The following CD2BP2 variants were observed in gnomAD, a reference collection of about 807,000 sequenced individuals.
CD2BP2 encodes CD2 antigen cytoplasmic tail-binding protein 2.
Under a neutral mutation model 35.9 loss-of-function variants are expected in CD2BP2, and 27 were observed. The observed-to-expected ratio is 0.75, with a 90% CI of 0.55 to 1.04. The LOEUF (loss-of-function observed/expected upper bound fraction) is 1.04, where lower values mean the gene tolerates loss of function less well. Among genes scored for constraint, CD2BP2 ranks in the 50% least tolerant of loss-of-function variants. CD2BP2 has a pLI of 0.00. For missense variants in CD2BP2, 497 were observed against 444.3 expected (o/e 1.12, Z -1.07); for synonymous variants, 213 against 173.5 (o/e 1.23, Z -1.79).
Position 30,354,074 on chromosome 16 carries a change from AG to A in CD2BP2, c.218-17del. 6.2e-7 allele frequency: 1 copy of A among 1,613,662 alleles called. No homozygotes were observed. The highest frequency in any genetic ancestry group is 8.5e-7 in the Non-Finnish European group (1 of 1,179,680). ...GCCTCCTGACCTGCACCAAAGACAC[AG>A]GTGCCCTTTTCCAGGCATGGAAAAA... is the stretch of plus-strand genomic sequence containing the variant. On this transcript the variant is annotated splice_polypyrimidine_tract_variant and intron_variant, in intron 3 of 6. Coordinates refer to ENST00000305596, the MANE Select transcript of CD2BP2 (RefSeq NM_006110.3).
chr16:30,353,558 G>A lies in CD2BP2; in HGVS notation c.618C>T (p.Ala206=), dbSNP rs199886258. The change falls in exon 5 of 7, where the codon GCC becomes GCT. Residue 206 remains alanine (A), a synonymous_variant. Transcript: ENST00000305596. The stretch of plus-strand genomic sequence containing the variant: ...GGTTGCCCCGGGCCACCATCTGGTC[G>A]GCCAACCCGGAGAGCCGGTCCAGGC... ...PQRLDRLSGL[A]DQMVARGNLG... 7.4e-5 allele frequency: 120 copies of A among 1,614,158 alleles called. No individual in the cohort carries two copies. Among genetic ancestry groups the A allele is most frequent in the Non-Finnish European group, 9.5e-5 (112 of 1,180,020 alleles).
rs1421667085 is a variant in CD2BP2, at chr16:30,352,871, G to T, written c.*114C>A. The T allele has an allele frequency of 5.6e-6, 4 of 710,430 alleles. No homozygotes were observed. The highest frequency in any genetic ancestry group is 3.3e-5 in the South Asian group (2 of 60,596). 44.0% of individuals were successfully genotyped at this position (710,430 alleles called of 1,614,324 possible). On this transcript the variant is annotated 3_prime_UTR_variant, in exon 7 of 7. Coordinates refer to ENST00000305596, the MANE Select transcript of CD2BP2 (RefSeq NM_006110.3). The stretch of plus-strand genomic sequence containing the variant: ...GTACACAACTAAAGGCTTTTATTGG[G>T]AAAGGGAAATTGACTGAAAAATGGC...
intron 1 of CD2BP2, 152 bp downstream of exon 1, chr16:30,355,059 CG>C: frequency 3.6e-6 from 1 of 274,612 alleles, no homozygotes; most frequent in Non-Finnish European, 7.2e-6. Flanking sequence ...CGGAGCTCGC[CG>C]GGCCCCGGCA....
At chr16:30,354,750 A>G in intron 1 of CD2BP2, 43 bp from the exon 2 acceptor site, 1 of 1,317,024 alleles carries the variant, frequency 7.6e-7, no homozygotes, top group East Asian at 2.3e-5. Context: ...TGAGGAGGGG[A>G]CTCGCCAACA....
At chr16:30,354,542 T>C (rs1418791552) in intron 2 of CD2BP2, 62 bp downstream of exon 2, 1 of 1,562,604 alleles carries the variant, frequency 6.4e-7, no homozygotes, top group African/African-American at 1.4e-5. Flanking sequence ...TCCCGCCAGC[T>C]TTCTTCCTCT....
chr16:30,354,390 T>G, intron 2 of CD2BP2, 68 bp from the exon 3 acceptor site: 5 of 1,544,236 alleles, frequency 3.2e-6, no homozygotes, highest in South Asian at 1.2e-5. Flanking sequence ...CTTCCGGATC[T>G]GGACCCAAAT....
intron 1 of CD2BP2, 74 bp downstream of exon 1, chr16:30,355,138 G>C (rs1237379511): frequency 5.1e-6 from 1 of 194,638 alleles, no homozygotes; most frequent in Non-Finnish European, 1.1e-5. Context: ...CGTGTGGTGA[G>C]CCCCAACTGT....
rs766397072 is a variant in CD2BP2 at position 30,353,282 on chromosome 16, C to T, written c.814G>A (p.Glu272Lys). 1.2e-6 allele frequency: 2 copies of T among 1,614,150 alleles called. No individual in the cohort carries two copies. Among genetic ancestry groups the T allele is most frequent in the Admixed American group, 3.3e-5 (2 of 60,020 alleles). Reference protein sequence around the residue: ...TPTPTQRGEAESRGDGLVDVM... With the variant: ...TPTPTQRGEAKSRGDGLVDVM... ...TCCACCAGACCATCTCCCCGCGACT[C>T]TGCTTCTAAAATAACAGGCAAAGCC... is the stretch of plus-strand genomic sequence containing the variant. Residue 272 changes from glutamate to lysine, a missense_variant, in exon 6 of 7, where the codon GAG becomes AAG. By Grantham distance (56) the Glu-to-Lys change is moderately conservative (BLOSUM62 1). Coordinates refer to ENST00000305596, the MANE Select transcript of CD2BP2 (RefSeq NM_006110.3).
Position 30,353,111 on chromosome 16 carries a change from A to G in CD2BP2, c.916-16T>C. 3 of 1,610,390 alleles carry G rather than the reference A, an allele frequency of 1.9e-6. No homozygotes were observed. Among genetic ancestry groups the G allele is most frequent in the Non-Finnish European group, 2.5e-6 (3 of 1,176,568 alleles). Reference sequence around the variant, plus strand: ...TCACCCAGGTCTGCAAGGAGAGGGCAGAGCTGGGGAACAACTGACAGGAGT... The same window carrying G: ...TCACCCAGGTCTGCAAGGAGAGGGCGGAGCTGGGGAACAACTGACAGGAGT... On this transcript the variant is annotated splice_polypyrimidine_tract_variant and intron_variant, in intron 6 of 6. Coordinates refer to ENST00000305596, the MANE Select transcript of CD2BP2 (RefSeq NM_006110.3).
chr16:30,353,640 C>G lies in CD2BP2; in HGVS notation c.536G>C (p.Gly179Ala), dbSNP rs762804560. 6.2e-7 allele frequency: 1 copy of G among 1,613,648 alleles called. No individual in the cohort carries two copies. The highest frequency in any genetic ancestry group is 8.5e-7 in the Non-Finnish European group (1 of 1,179,890). Residue 179 changes from glycine (G) to alanine (A), a missense_variant, in exon 5 of 7, where the codon GGG (glycine) becomes GCG (alanine). Gly to Ala is a moderately conservative substitution (Grantham distance 60). Coordinates refer to ENST00000305596, the MANE Select transcript of CD2BP2 (RefSeq NM_006110.3). ...TCTCCCTTTGCCTCCTCCTCGGGCC[C>G]CCAGACGCCTCAGTGCCCCAGCCAC... ...ETVAGALRRL[G>A]ARGGGKGRKG...
chr16:30,354,999 G>GCGCGCCA, intron 1 of CD2BP2: 1 of 322,660 alleles, frequency 3.1e-6, no homozygotes, highest in Non-Finnish European at 5.9e-6. Flanking sequence ...CCCGCAGTCT[G>GCGCGCCA]CGCGCCACCG....
intron 1 of CD2BP2, 120 bp from the exon 2 acceptor site, chr16:30,354,827 A>C (rs1475230514): frequency 2.6e-6 from 2 of 755,264 alleles, no homozygotes; most frequent in East Asian, 2.5e-5. Context: ...GGGAGCACAA[A>C]AGCAGGGGCC....
rs1314909484 is a variant in CD2BP2, at chr16:30,354,064, C to T, written c.218-6G>A. On this transcript the variant is annotated splice_region_variant and splice_polypyrimidine_tract_variant and intron_variant, in intron 3 of 6. Transcript: ENST00000305596. ...GAGTGTGGCTGCCTCCTGACCTGCA[C>T]CAAAGACACAGGTGCCCTTTTCCAG... 7 of 1,613,858 alleles carry T rather than the reference C, an allele frequency of 4.3e-6. No individual in the cohort carries two copies. The highest frequency in any genetic ancestry group is 5.9e-6 in the Non-Finnish European group (7 of 1,179,934).
rs1567405975 is a variant in CD2BP2, at chr16:30,352,057, CCTGCCACCAGA to C, written c.*917_*927del. On this transcript the variant is annotated 3_prime_UTR_variant, in exon 7 of 7. Transcript: ENST00000305596. ...ATTACATCTGTCTATTTCCCATGCC[CCTGCCACCAGA>C]CTCTGAATTCCTGGAAGGGGACCAA... 6.6e-6 allele frequency: 1 copy of C among 152,496 alleles called. No homozygotes were observed. The highest frequency in any genetic ancestry group is 1.5e-5 in the Non-Finnish European group (1 of 68,250). 9.4% of individuals were successfully genotyped at this position (152,496 alleles called of 1,614,324 possible). A position where few individuals can be genotyped will look rare whatever the true frequency, so the allele number is the denominator to read the frequency against.
At chr16:30,355,053 G>C (rs1420547091) in intron 1 of CD2BP2, 159 bp downstream of exon 1, 1 of 268,870 alleles carries the variant, frequency 3.7e-6, no homozygotes, top group African/African-American at 2.3e-5. Context: ...CTCTCTCGGA[G>C]CTCGCCGGGC....
In CD2BP2 at chr16:30,354,682, G is replaced by A. The variant is rs570158583; in HGVS notation, c.-1C>T. On this transcript the variant is annotated 5_prime_UTR_variant, in exon 2 of 7. Coordinates refer to ENST00000305596, the MANE Select transcript of CD2BP2 (RefSeq NM_006110.3). ...GGAAGGTCACTTTCCTCTTTGGCAT[G>A]ACGGGGCAAAGAGGTGTTTCTCAAG... The A allele has an allele frequency of 1.4e-5, 23 of 1,613,916 alleles. No homozygotes were observed. The highest frequency in any genetic ancestry group is 2.2e-5 in the East Asian group (1 of 44,876).
At chr16:30,354,739 G>T in intron 1 of CD2BP2, 32 bp from the exon 2 acceptor site, 1 of 1,452,690 alleles carries the variant, frequency 6.9e-7, no homozygotes, top group Non-Finnish European at 9.7e-7. Context: ...AGGGAACCGG[G>T]TGAGGAGGGG....
chr16:30,353,627 T>C lies in CD2BP2; in HGVS notation c.549A>G (p.Gly183=), dbSNP rs1284179453. ...GALRRLGARG[G]GKGRKGPGQP... is the part of the protein sequence containing the mutation. ...GCCCAGGCCCCTTTCTCCCTTTGCC[T>C]CCTCCTCGGGCCCCCAGACGCCTCA... The change falls in exon 5 of 7, where the codon GGA becomes GGG. Residue 183 remains glycine, a synonymous_variant. Coordinates refer to ENST00000305596, the MANE Select transcript of CD2BP2 (RefSeq NM_006110.3). 6.2e-7 allele frequency: 1 copy of C among 1,613,424 alleles called. No homozygotes were observed. Among genetic ancestry groups the C allele is most frequent in the Admixed American group, 1.7e-5 (1 of 59,972 alleles).
Position 30,352,640 on chromosome 16 carries a change from T to G in CD2BP2, c.*345A>C. ...CTGAAAGCCAAAGACCTAAGAGGAATCGAACAAGAAACCTGGGAGAGGAGC... is the reference window on the plus strand; with the variant it reads ...CTGAAAGCCAAAGACCTAAGAGGAAGCGAACAAGAAACCTGGGAGAGGAGC... On this transcript the variant is annotated 3_prime_UTR_variant, in exon 7 of 7. Coordinates refer to ENST00000305596, the MANE Select transcript of CD2BP2 (RefSeq NM_006110.3). The G allele has an allele frequency of 3.7e-6, 1 of 267,290 alleles. No homozygotes were observed. Among genetic ancestry groups the G allele is most frequent in the Non-Finnish European group, 7.2e-6 (1 of 138,140 alleles). The allele number at this position is 267,290 out of a possible 1,614,324, so 16.6% of individuals were successfully genotyped here.
Sources: allele counts gnomAD v4.1 joint callset, GRCh38; gene constraint gnomAD v4.1.1; transcripts MANE v1.5; gene names NCBI Gene and HGNC (gene_info 2026-07-23, HGNC 2026-07-21).